The following HDAC9 variants were observed in gnomAD, a reference collection of about 807,000 sequenced individuals.
HDAC9 encodes MEF-2 interacting transcription repressor (MITR) protein.
HDAC9 carries 41 observed loss-of-function variants against 139.4 expected under a neutral mutation model. The observed-to-expected ratio is 0.29, with a 90% CI of 0.23 to 0.38. The LOEUF (loss-of-function observed/expected upper bound fraction) is 0.38. Among genes scored for constraint, HDAC9 ranks in the 10% least tolerant of loss-of-function variants. The pLI, the probability that HDAC9 is intolerant of heterozygous loss-of-function variation, is 1.00. For synonymous variants in HDAC9, 517 were observed against 476.2 expected (o/e 1.09, Z -1.12); for missense variants, 1,147 against 1,297.0 (o/e 0.88, Z 1.78).
intron 1 of HDAC9, among the ~76,000 whole-genome samples, chr7:18,294,805 T>C (rs1163860564): frequency 6.6e-6 from 1 of 152,144 alleles, no homozygotes; most frequent in Non-Finnish European, 1.5e-5. Flanking sequence ...GTTAGAAAAC[T>C]ATTTCAATAG....
In HDAC9 at chr7:18,585,450, G is replaced by T. The variant is rs756450396; in HGVS notation, c.192G>T (p.Leu64=). The T allele has an allele frequency of 6.8e-6, 11 of 1,613,828 alleles. No individual in the cohort carries two copies. Among genetic ancestry groups the T allele is most frequent in the Non-Finnish European group, 9.3e-6 (11 of 1,179,896 alleles). Residue 64 remains leucine, a synonymous_variant, in exon 3 of 26, where the codon CTG becomes CTT. Transcript: ENST00000686413. ...QQQQQIQKQL[L]IAEFQKQHEN... The stretch of plus-strand genomic sequence containing the variant: ...AGCAACAAATCCAGAAGCAGCTTCT[G>T]ATAGCAGAGTTTCAGAAACAGCATG...
chr7:18,769,161 G>C (rs539293228), intron 16 of HDAC9, among the ~76,000 whole-genome samples: 7 of 152,054 alleles, frequency 4.6e-5, no homozygotes, highest in Non-Finnish European at 7.4e-5. Context: ...CATCTCCCTA[G>C]GACTCACCTC....
rs539434274 is a variant in HDAC9 at position 18,670,147 on chromosome 7, G to T, written c.1731+3671G>T. 1.1e-4 allele frequency among the ~76,000 whole-genome samples: 17 copies of T among 151,910 alleles called. No individual in the cohort carries two copies. The South Asian group carries it at 3.5e-3, about 31-fold the overall frequency. ...ATAAATTGTAGGTGTGTGATTGAAG[G>T]TTTACAATGATAAATAGTTTGAGGT... On this transcript the variant is annotated intron_variant, in intron 12 of 25. Coordinates refer to ENST00000686413, the MANE Select transcript of HDAC9 (RefSeq NM_178425.4).
intron 22 of HDAC9, among the ~76,000 whole-genome samples, chr7:18,890,661 T>G (rs985823580): frequency 6.6e-6 from 1 of 152,230 alleles, no homozygotes; most frequent in Non-Finnish European, 1.5e-5. Flanking sequence ...ACGTTTCTGT[T>G]GATGATTGGA....
At chr7:18,724,285 G>T (rs529031879) in intron 12 of HDAC9, among the ~76,000 whole-genome samples, 1 of 152,134 alleles carries the variant, frequency 6.6e-6, no homozygotes, top group South Asian at 2.1e-4. Flanking sequence ...AGACCTAGAT[G>T]GTATAGCCTA....
intron 2 of HDAC9, among the ~76,000 whole-genome samples, chr7:18,513,502 G>T (rs1051781114): frequency 6.6e-6 from 1 of 152,188 alleles, no homozygotes; most frequent in African/African-American, 2.4e-5. Context: ...TGAGTGACTA[G>T]AAGAGCCCAG....
At chr7:18,101,608 TC>T in intron 1 of HDAC9, among the ~76,000 whole-genome samples, 1 of 152,314 alleles carries the variant, frequency 6.6e-6, no homozygotes, top group South Asian at 2.1e-4. Context: ...ATTTTGATAT[TC>T]TACATCTTTC....
At chr7:18,936,867 A>T (rs977775908) in intron 23 of HDAC9, among the ~76,000 whole-genome samples, 2 of 152,090 alleles carry the variant, frequency 1.3e-5, no homozygotes, top group African/African-American at 4.8e-5. Context: ...TTTCTTCTGC[A>T]CATAGAACAC....
rs190780915 is a variant in HDAC9, at chr7:18,290,624, A to G, written c.-42+109A>G. ...TCTTTAATAACTTGTAGGCTGTGGA[A>G]AGATAAACTTGTCATGCGGAGGGAA... On this transcript the variant is annotated intron_variant, in intron 1 of 3. Transcript: ENST00000413509. 9.3e-6 allele frequency: 4 copies of G among 432,050 alleles called. No individual in the cohort carries two copies. The East Asian group carries it at 2.1e-4, about 23-fold the overall frequency. The allele number at this position is 432,050 out of a possible 1,614,324, so 26.8% of individuals were successfully genotyped here.
At chr7:18,990,221 G>A (rs1430744358) in intron 25 of HDAC9, among the ~76,000 whole-genome samples, 2 of 152,164 alleles carry the variant, frequency 1.3e-5, no homozygotes, top group Non-Finnish European at 2.9e-5. Context: ...GTGATGTACA[G>A]ATGGGTTTCT....
At chr7:18,371,432 G>A (rs1042744962) in intron 1 of HDAC9, among the ~76,000 whole-genome samples, 3 of 152,054 alleles carry the variant, frequency 2.0e-5, no homozygotes, top group Non-Finnish European at 4.4e-5. Context: ...GTATGCCTTG[G>A]CTGAAATATC....
intron 6 of HDAC9, among the ~76,000 whole-genome samples, chr7:18,597,950 G>A (rs1225217484): frequency 2.0e-5 from 3 of 152,076 alleles, no homozygotes; most frequent in East Asian, 1.9e-4. Context: ...TGAAGGTTTT[G>A]GAAGGCCAGT....
intron 17 of HDAC9, among the ~76,000 whole-genome samples, chr7:18,812,397 T>G (rs570858926): frequency 6.2e-4 from 94 of 152,098 alleles, no homozygotes; most frequent in Non-Finnish European, 1.1e-3. Flanking sequence ...ATCTTTTGTT[T>G]ATAAGAAAAT....
intron 17 of HDAC9, among the ~76,000 whole-genome samples, chr7:18,825,175 T>C (rs1024704602): frequency 5.3e-5 from 8 of 152,202 alleles, no homozygotes; most frequent in African/African-American, 1.7e-4. Flanking sequence ...AGAGTCCATC[T>C]TGGAAATAGA....
At chr7:18,830,949 G>T (rs1181627630) in intron 19 of HDAC9, among the ~76,000 whole-genome samples, 2 of 152,338 alleles carry the variant, frequency 1.3e-5, no homozygotes, top group African/African-American at 2.4e-5. Flanking sequence ...TGCATAATTT[G>T]TAAGATATTA....
chr7:18,489,089 CAGTAGT>C (rs1796178652), intron 1 of HDAC9, among the ~76,000 whole-genome samples: 5 of 152,016 alleles, frequency 3.3e-5, no homozygotes, highest in Admixed American at 3.3e-4. Flanking sequence ...TACTCAAGAT[CAGTAGT>C]CACTTAATAG....
intron 2 of HDAC9, among the ~76,000 whole-genome samples, chr7:18,281,724 T>A (rs1476706955): frequency 6.6e-6 from 1 of 152,254 alleles, no homozygotes. Flanking sequence ...TTTAGACATC[T>A]GACTTGAAGA....
intron 8 of HDAC9, among the ~76,000 whole-genome samples, chr7:18,637,254 C>G (rs903772070): frequency 6.6e-6 from 1 of 151,980 alleles, no homozygotes; most frequent in African/African-American, 2.4e-5. Context: ...TTGATAGTTA[C>G]TAAAGAAGAT....
chr7:18,817,557 G>C (rs1263242081), intron 17 of HDAC9, among the ~76,000 whole-genome samples: 1 of 152,072 alleles, frequency 6.6e-6, no homozygotes, highest in African/African-American at 2.4e-5. Context: ...CTGATTTCTT[G>C]ACCTCTGTAC....
Sources: gnomAD v4.1 joint callset for allele counts (sites outside exome capture counted in the v4.1 genomes callset) on GRCh38, gnomAD v4.1.1 for gene constraint, MANE v1.5 for transcripts, NCBI Gene and HGNC (gene_info 2026-07-23, HGNC 2026-07-21) for gene names.